Variants in ZBTB2 observed in about 807,000 individuals in gnomAD.
ZBTB2 encodes the protein zinc finger and BTB domain containing 2.
In ZBTB2, 2 loss-of-function variants were observed where a neutral mutation model predicts 39.5. The observed-to-expected ratio is 0.05, with a 90% CI of 0.02 to 0.16. The LOEUF (loss-of-function observed/expected upper bound fraction) is 0.16, where lower values mean the gene tolerates loss of function less well. ZBTB2 is among the 10% of genes least tolerant of loss of function. The probability of loss-of-function intolerance (pLI) is 1.00; values close to 1 mark genes in which losing one functional copy is unlikely to be tolerated. For synonymous variants in ZBTB2, 251 were observed against 256.6 expected (o/e 0.98, Z 0.21); for missense variants, 391 against 653.0 (o/e 0.60, Z 4.37).
intron 1 of ZBTB2, among the ~76,000 whole-genome samples, chr6:151,380,689 C>T (rs1264521978): frequency 6.6e-6 from 1 of 152,212 alleles, no homozygotes; most frequent in Non-Finnish European, 1.5e-5. Context: ...AATCTTTGGT[C>T]TCTGGTTTTC....
chr6:151,386,151 A>G (rs1039959318), intron 1 of ZBTB2, among the ~76,000 whole-genome samples: 2 of 152,194 alleles, frequency 1.3e-5, no homozygotes, highest in Non-Finnish European at 2.9e-5. Flanking sequence ...TCAGAGATTT[A>G]TGGCTAATAA....
chr6:151,369,015 G>A (rs1328272453), intron 2 of ZBTB2, among the ~76,000 whole-genome samples: 2 of 151,940 alleles, frequency 1.3e-5, no homozygotes, highest in East Asian at 3.9e-4. Flanking sequence ...TGCCCATCTC[G>A]GCCTCCCAAA....
intron 2 of ZBTB2, among the ~76,000 whole-genome samples, chr6:151,372,959 C>T (rs1778816709): frequency 6.6e-6 from 1 of 151,800 alleles, no homozygotes; most frequent in African/African-American, 2.4e-5. Flanking sequence ...TCGAGACCGT[C>T]CTGGCTAACA....
intron 1 of ZBTB2, among the ~76,000 whole-genome samples, 193 bp downstream of exon 1, chr6:151,391,227 G>A (rs1183189165): frequency 6.6e-6 from 1 of 151,528 alleles, no homozygotes; most frequent in Non-Finnish European, 1.5e-5. Context: ...GGGTCCCCGA[G>A]TGGCCCGGGC....
Position 151,366,447 on chromosome 6 carries a change from C to T in ZBTB2, c.619G>A (p.Val207Ile). The T allele has an allele frequency of 1.9e-6, 3 of 1,614,042 alleles. No individual in the cohort carries two copies. Among genetic ancestry groups the T allele is most frequent in the Non-Finnish European group, 2.5e-6 (3 of 1,179,986 alleles). The change falls in exon 3 of 3, where the codon GTT (valine) becomes ATT (isoleucine). Residue 207 changes from valine to isoleucine, a missense_variant. Val to Ile is a conservative substitution (Grantham distance 29). Transcript: ENST00000325144. This position sits in a 1 kb window ranked among gnomAD's most constrained non-coding sequence, Gnocchi z 7.1. ...GGAGGGGGAGGAACAGGAGTGGAAA[C>T]AAGTTCTGGAGACAGCGAGGTCTGC... ...PLQTSLSPEL[V>I]STPVPPPPPG...
rs987616834 is a variant in ZBTB2, at chr6:151,365,111, G to C, written c.*410C>G. ...ATTTTGCATAGTACAGAGCCCAGCC[G>C]TATTTCTAAGCAGCACGCTGTTATT... is the stretch of plus-strand genomic sequence containing the variant. On this transcript the variant is annotated 3_prime_UTR_variant, in exon 3 of 3. Transcript: ENST00000325144. This position sits in a 1 kb window ranked among gnomAD's most constrained non-coding sequence, Gnocchi z 5.6. 2 of 183,548 alleles carry C rather than the reference G, an allele frequency of 1.1e-5. No homozygotes were observed. The highest frequency in any genetic ancestry group is 1.4e-4 in the East Asian group (1 of 7,124). The allele number at this position is 183,548 out of a possible 1,614,324, so 11.4% of individuals were successfully genotyped here.
intron 1 of ZBTB2, among the ~76,000 whole-genome samples, chr6:151,386,412 A>G (rs1443285152): frequency 2.0e-5 from 3 of 152,176 alleles, no homozygotes; most frequent in Admixed American, 6.5e-5. Context: ...GCATGTGCCC[A>G]TGGTCCCAGC....
At chr6:151,371,439 G>C (rs1234119729) in intron 2 of ZBTB2, among the ~76,000 whole-genome samples, 4 of 152,190 alleles carry the variant, frequency 2.6e-5, no homozygotes, top group Non-Finnish European at 4.4e-5. Context: ...CGTGGTCACT[G>C]TCGTTTGTTT....
Position 151,365,788 on chromosome 6 carries a change from C to T in ZBTB2, c.1278G>A (p.Leu426=), listed in dbSNP as rs756542141. The stretch of plus-strand genomic sequence containing the variant: ...TCCCTTCCTCAAATGTGCAGAGTTC[C>T]AGAGTCTGTTTGTCCACCATGGTGT... The part of the protein sequence containing the change: ...DTYTMVDKQT[L]ELCTFEEGSQ... Residue 426 remains leucine, a synonymous_variant, in exon 3 of 3, where the codon CTG becomes CTA. Transcript: ENST00000325144. This position sits in a 1 kb window ranked among gnomAD's most constrained non-coding sequence, Gnocchi z 5.6. 1 of 1,614,182 alleles carries T rather than the reference C, an allele frequency of 6.2e-7. No homozygotes were observed. Among genetic ancestry groups the T allele is most frequent in the Admixed American group, 1.7e-5 (1 of 60,006 alleles).
intron 2 of ZBTB2, among the ~76,000 whole-genome samples, chr6:151,371,495 G>T (rs965463392): frequency 6.6e-6 from 1 of 152,194 alleles, no homozygotes; most frequent in Non-Finnish European, 1.5e-5. Context: ...GGGACTCAGG[G>T]AGTGGGCAGG....
At chr6:151,375,734 T>C (rs1251639116) in intron 1 of ZBTB2, among the ~76,000 whole-genome samples, 1 of 152,044 alleles carries the variant, frequency 6.6e-6, no homozygotes, top group Admixed American at 6.6e-5. Context: ...CTGGCTAAGT[T>C]TTTTTTGTAT....
At chr6:151,384,619 G>A (rs1779112861) in intron 1 of ZBTB2, among the ~76,000 whole-genome samples, 1 of 152,188 alleles carries the variant, frequency 6.6e-6, no homozygotes, top group Non-Finnish European at 1.5e-5. Flanking sequence ...AGATCTTGGT[G>A]CCCTCCAACA....
At chr6:151,375,527 T>C (rs970629627) in intron 1 of ZBTB2, among the ~76,000 whole-genome samples, 1 of 152,182 alleles carries the variant, frequency 6.6e-6, no homozygotes, top group African/African-American at 2.4e-5. Flanking sequence ...AAAATGTACA[T>C]GTAAAGGCAA....
At position 151,366,193 on chromosome 6, in the gene ZBTB2, G is replaced by A. The variant is rs773286532; in HGVS notation, c.873C>T (p.Val291=). 2.8e-5 allele frequency: 46 copies of A among 1,614,140 alleles called. No individual in the cohort carries two copies. Among genetic ancestry groups the A allele is most frequent in the Non-Finnish European group, 3.6e-5 (43 of 1,180,040 alleles). Residue 291 remains valine (V), a synonymous_variant, in exon 3 of 3, where the codon GTC becomes GTT. Coordinates refer to ENST00000325144, the MANE Select transcript of ZBTB2 (RefSeq NM_020861.3). The surrounding 1 kb of genome is among the most constrained non-coding windows in gnomAD (Gnocchi z 7.1). ...FTSSQQGESR[V]PLTLCSNAAD... Reference sequence around the variant, plus strand: ...CTGCATTGCTACAGAGAGTCAGGGGGACGCGACTTTCTCCCTGTTGGCTAG... The same window carrying A: ...CTGCATTGCTACAGAGAGTCAGGGGAACGCGACTTTCTCCCTGTTGGCTAG...
chr6:151,385,821 C>G (rs1779138015), intron 1 of ZBTB2, among the ~76,000 whole-genome samples: 1 of 152,136 alleles, frequency 6.6e-6, no homozygotes, highest in South Asian at 2.1e-4. Flanking sequence ...TGAAGTAAAC[C>G]TGAAGGCTGG....
Position 151,366,703 on chromosome 6 carries a change from G to A in ZBTB2, c.363C>T (p.His121=), listed in dbSNP as rs753814423. The A allele has an allele frequency of 3.5e-5, 56 of 1,614,046 alleles. No homozygotes were observed. Among genetic ancestry groups the A allele is most frequent in the Admixed American group, 1.7e-4 (10 of 59,994 alleles). The part of the protein sequence containing the change: ...ASLASQGAFS[H]PDQVFPLASS... ...AAGCCAGTGGGAAAACTTGGTCAGG[G>A]TGAGAAAAGGCTCCCTGGCTGGCGA... The change falls in exon 3 of 3, where the codon CAC becomes CAT. Residue 121 remains histidine, a synonymous_variant. Coordinates refer to ENST00000325144, the MANE Select transcript of ZBTB2 (RefSeq NM_020861.3). This position sits in a 1 kb window ranked among gnomAD's most constrained non-coding sequence, Gnocchi z 7.1.
In ZBTB2 at chr6:151,366,790, C is replaced by G; in HGVS notation, c.276G>C (p.Pro92=). The G allele has an allele frequency of 6.2e-7, 1 of 1,614,008 alleles. No homozygotes were observed. Among genetic ancestry groups the G allele is most frequent in the Non-Finnish European group, 8.5e-7 (1 of 1,180,000 alleles). The change falls in exon 3 of 3, where the codon CCG becomes CCC. Residue 92 remains proline (P), a synonymous_variant. Transcript: ENST00000325144. This position sits in a 1 kb window ranked among gnomAD's most constrained non-coding sequence, Gnocchi z 7.1. ...TGKMAPQLID[P]VRLEQGIKFL... ...ACTTGATGCCCTGTTCTAATCGAAC[C>G]GGGTCGATGAGCTGAGGCGCCATCT...
At position 151,364,500 on chromosome 6, in the gene ZBTB2, G is replaced by C. The variant is rs1207830954; in HGVS notation, c.*1021C>G. 1 of 152,276 alleles carries C rather than the reference G, an allele frequency of 6.6e-6. No homozygotes were observed. Among genetic ancestry groups the C allele is most frequent in the Non-Finnish European group, 1.5e-5 (1 of 68,030 alleles). The allele number at this position is 152,276 out of a possible 1,614,324, so 9.4% of individuals were successfully genotyped here. A position where few individuals can be genotyped will look rare whatever the true frequency, so the allele number is the denominator to read the frequency against. On this transcript the variant is annotated 3_prime_UTR_variant, in exon 3 of 3. Coordinates refer to ENST00000325144, the MANE Select transcript of ZBTB2 (RefSeq NM_020861.3). ...TTTCTCTTTGCCATTTATTTTTGATGCTTCAATTAATGTTGCCAGTAAACT... is the reference window on the plus strand; with the variant it reads ...TTTCTCTTTGCCATTTATTTTTGATCCTTCAATTAATGTTGCCAGTAAACT...
At chr6:151,379,637 G>GAAAAAAAAAA (rs61085296) in intron 1 of ZBTB2, among the ~76,000 whole-genome samples, 4 of 65,918 alleles carry the variant, frequency 6.1e-5, no homozygotes, top group African/African-American at 1.1e-4. Flanking sequence ...GACCCTGTCT[G>GAAAAAAAAAA]AAAAAAAAAA....
Sources: allele counts gnomAD v4.1 joint callset (sites outside exome capture counted in the v4.1 genomes callset), GRCh38; gene constraint gnomAD v4.1.1; non-coding constraint Gnocchi (gnomAD v3.1); transcripts MANE v1.5; gene names NCBI Gene and HGNC (gene_info 2026-07-23, HGNC 2026-07-21).